The following ADK variants were observed in gnomAD, a reference collection of about 807,000 sequenced individuals.
ADK encodes N6,N6-dimethyladenosine kinase.
A neutral mutation model predicts 44.7 loss-of-function variants in ADK; 24 were observed. The observed-to-expected ratio is 0.54, with a 90% confidence interval of 0.39 to 0.76. ADK has a LOEUF of 0.76. ADK is among the 30% of genes least tolerant of loss of function. The probability of loss-of-function intolerance (pLI) is 0.00; values close to 1 mark genes in which losing one functional copy is unlikely to be tolerated. For synonymous variants in ADK, 128 were observed against 142.6 expected, an observed-to-expected ratio of 0.90 and a Z score of 0.73; for missense variants, 321 against 425.1, an observed-to-expected ratio of 0.76 and a Z score of 2.15.
In ADK at chr10:74,525,258, C is replaced by A. The variant is rs201248022; in HGVS notation, c.558C>A (p.Gly186=). The part of the protein sequence containing the change: ...VEKARVCYIA[G]FFLTVSPESV... ...TCCCTCCTTTTTTCTTCATCCAGGGCTTTTTTCTTACAGTTTCCCCAGAGT... is the reference window on the plus strand; with the variant it reads ...TCCCTCCTTTTTTCTTCATCCAGGGATTTTTTCTTACAGTTTCCCCAGAGT... Residue 186 remains glycine (G), a splice_region_variant and synonymous_variant, in exon 7 of 11, where the codon GGC becomes GGA. Coordinates refer to ENST00000539909, the MANE Select transcript of ADK (RefSeq NM_006721.4). 10 of 1,613,448 alleles carry A rather than the reference C, an allele frequency of 6.2e-6. No homozygotes were observed. The highest frequency in any genetic ancestry group is 8.5e-6 in the Non-Finnish European group (10 of 1,179,794).
intron 7 of ADK, among the ~76,000 whole-genome samples, chr10:74,550,112 C>T (rs1435026142): frequency 2.0e-5 from 3 of 151,372 alleles, no homozygotes; most frequent in Admixed American, 1.3e-4. Context: ...ATTCTGTCGC[C>T]CAGGCTGCAG....
At chr10:74,176,990 G>C (rs371344807) in intron 1 of ADK, 2 of 1,486,652 alleles carry the variant, frequency 1.3e-6, no homozygotes, top group African/African-American at 1.4e-5. Context: ...GCCTGCCTCC[G>C]CCTCTGGTCC....
At chr10:74,602,952 T>G (rs901952274) in intron 9 of ADK, among the ~76,000 whole-genome samples, 1 of 152,214 alleles carries the variant, frequency 6.6e-6, no homozygotes, top group Non-Finnish European at 1.5e-5. Context: ...TGTAATTCGT[T>G]CTCATGTCAG....
chr10:74,596,551 C>CTCT (rs1851932686), intron 8 of ADK, among the ~76,000 whole-genome samples: 1 of 136,582 alleles, frequency 7.3e-6, no homozygotes, highest in African/African-American at 3.1e-5. Context: ...CTCTCTCTCT[C>CTCT]TTTTTTTTTT....
At chr10:74,535,946 G>C (rs894431692) in intron 7 of ADK, among the ~76,000 whole-genome samples, 7 of 151,814 alleles carry the variant, frequency 4.6e-5, no homozygotes, top group African/African-American at 1.5e-4. Flanking sequence ...AAAATGTTTA[G>C]ATTATGAAAG....
chr10:74,547,459 T>C (rs1393364987), intron 7 of ADK, among the ~76,000 whole-genome samples: 1 of 145,114 alleles, frequency 6.9e-6, no homozygotes, highest in South Asian at 2.1e-4. Context: ...TATTTATTTA[T>C]TTATTTATTT....
chr10:74,327,045 CTTTA>C (rs1841045908), intron 4 of ADK, among the ~76,000 whole-genome samples: 1 of 151,772 alleles, frequency 6.6e-6, no homozygotes, highest in East Asian at 1.9e-4. Context: ...TATTTCTTCT[CTTTA>C]TTATTTATTT....
intron 6 of ADK, among the ~76,000 whole-genome samples, chr10:74,484,436 A>C (rs1437808218): frequency 1.3e-5 from 2 of 152,132 alleles, no homozygotes; most frequent in Admixed American, 1.3e-4. Context: ...CAGTGTTTAC[A>C]TTTTTTATTT....
At chr10:74,665,607 C>T (rs1854917049) in intron 9 of ADK, among the ~76,000 whole-genome samples, 1 of 151,884 alleles carries the variant, frequency 6.6e-6, no homozygotes. Flanking sequence ...TGTTGGCTTG[C>T]ACCTGTAGTC....
chr10:74,224,698 A>G, intron 3 of ADK, 107 bp downstream of exon 3: 1 of 861,618 alleles, frequency 1.2e-6, no homozygotes, highest in Non-Finnish European at 1.9e-6. Flanking sequence ...ACAAAGTATA[A>G]TTAACACTAT....
intron 3 of ADK, among the ~76,000 whole-genome samples, chr10:74,250,339 C>G (rs1197516977): frequency 6.6e-6 from 1 of 152,178 alleles, no homozygotes; most frequent in Non-Finnish European, 1.5e-5. Context: ...GAAGTTACTC[C>G]TATTCCCCAA....
intron 6 of ADK, among the ~76,000 whole-genome samples, chr10:74,468,554 A>G (rs1425128751): frequency 6.6e-6 from 1 of 152,190 alleles, no homozygotes; most frequent in Non-Finnish European, 1.5e-5. Context: ...AGAGCATTAG[A>G]TGGCAAATTG....
At position 74,604,618 on chromosome 10, in the gene ADK, T is replaced by C. The variant is rs184290253; in HGVS notation, c.877+4125T>C. 3.3e-5 allele frequency among the ~76,000 whole-genome samples: 5 copies of C among 152,340 alleles called. No individual in the cohort carries two copies. In the East Asian group the frequency reaches 9.6e-4, roughly 29 times the overall value. On this transcript the variant is annotated intron_variant, in intron 9 of 10. Coordinates refer to ENST00000539909, the MANE Select transcript of ADK (RefSeq NM_006721.4). ...GTTCTGTTCCATTGATCTATATATC[T>C]GTTTTCATACCAGTACCATGCTGTT...
chr10:74,338,172 C>G (rs1045215938), intron 4 of ADK, among the ~76,000 whole-genome samples: 2 of 151,994 alleles, frequency 1.3e-5, no homozygotes, highest in African/African-American at 4.8e-5. Context: ...TATAAAATAG[C>G]AAGTAAGCCA....
At chr10:74,450,312 A>G (rs1031160487) in intron 6 of ADK, among the ~76,000 whole-genome samples, 4 of 152,146 alleles carry the variant, frequency 2.6e-5, no homozygotes, top group Admixed American at 1.3e-4. Flanking sequence ...ACTTTTTCTC[A>G]AATAAAAGAA....
At chr10:74,545,379 C>G (rs1849788824) in intron 7 of ADK, among the ~76,000 whole-genome samples, 1 of 152,096 alleles carries the variant, frequency 6.6e-6, no homozygotes, top group African/African-American at 2.4e-5. Flanking sequence ...TAAGCTGGGC[C>G]TCAATTCGTG....
chr10:74,622,924 T>A (rs1342420992), intron 9 of ADK, among the ~76,000 whole-genome samples: 1 of 152,088 alleles, frequency 6.6e-6, no homozygotes, highest in Non-Finnish European at 1.5e-5. Flanking sequence ...GGAGAATCGT[T>A]AGAACCCGGG....
intron 6 of ADK, among the ~76,000 whole-genome samples, chr10:74,434,685 ATC>A (rs749341256): frequency 2.2e-4 from 33 of 152,184 alleles, no homozygotes; most frequent in Non-Finnish European, 4.0e-4. Flanking sequence ...TCTGGCTATT[ATC>A]TGTTTCTCCT....
In ADK at chr10:74,259,822, C is replaced by T. The variant is rs540237464; in HGVS notation, c.194+35231C>T. 2.6e-5 allele frequency among the ~76,000 whole-genome samples: 4 copies of T among 152,242 alleles called. No individual in the cohort carries two copies. The South Asian group carries it at 8.3e-4, about 32-fold the overall frequency. On this transcript the variant is annotated intron_variant, in intron 3 of 10. Coordinates refer to ENST00000539909, the MANE Select transcript of ADK (RefSeq NM_006721.4). ...GATTGAATTTCATTACTCATTCTTT[C>T]TATACATGTTCATATTATTGGAAAC...
Sources: allele counts gnomAD v4.1 joint callset (sites outside exome capture counted in the v4.1 genomes callset), GRCh38; gene constraint gnomAD v4.1.1; transcripts MANE v1.5; gene names NCBI Gene and HGNC (gene_info 2026-07-23, HGNC 2026-07-21).